The following PCDH11X variants were observed in gnomAD, a reference collection of about 807,000 sequenced individuals.
PCDH11X encodes protocadherin-11 X-linked.
In PCDH11X, 18 loss-of-function variants were observed where a neutral mutation model predicts 53.3. The ratio of observed to expected loss-of-function variants is 0.34; its 90% CI spans 0.23 to 0.50. The LOEUF is 0.50. Among genes scored for constraint, PCDH11X ranks in the 20% least tolerant of loss-of-function variants. PCDH11X has a pLI of 0.98. For missense variants in PCDH11X, 570 were observed against 1,032.4 expected (o/e 0.55, Z 6.14); for synonymous variants, 279 against 393.3 (o/e 0.71, Z 3.44).
chrX:91,921,173 G>A (rs1941725261), intron 6 of PCDH11X, among the ~76,000 whole-genome samples: 1 of 110,592 alleles, frequency 9.0e-6, no homozygotes, highest in African/African-American at 3.3e-5. Context: ...TTTTACAGAA[G>A]TTTTAGGTTC....
chrX:92,069,004 T>C (rs954309322), intron 6 of PCDH11X, among the ~76,000 whole-genome samples: 1 of 110,746 alleles, frequency 9.0e-6, no homozygotes, highest in African/African-American at 3.3e-5. Context: ...TGTTCTACTA[T>C]GCAGATTAAA....
chrX:92,340,235 A>G (rs1424203763), intron 8 of PCDH11X, among the ~76,000 whole-genome samples: 4 of 110,766 alleles, frequency 3.6e-5, no homozygotes, highest in Admixed American at 9.6e-5. Context: ...TTTGGCCCCA[A>G]CAGTTGGTCT....
chrX:92,243,866 A>G (rs1363229565), intron 7 of PCDH11X, among the ~76,000 whole-genome samples: 1 of 111,940 alleles, frequency 8.9e-6, no homozygotes, highest in Non-Finnish European at 1.9e-5. Flanking sequence ...TGCAATAATT[A>G]CTTCCTGTGG....
intron 6 of PCDH11X, among the ~76,000 whole-genome samples, chrX:91,915,326 A>C (rs941976982): frequency 9.4e-6 from 1 of 106,176 alleles, no homozygotes. Context: ...TGAGTAAAAC[A>C]ATACCTCACA....
chrX:92,437,631 C>T (rs2072414776), intron 9 of PCDH11X, among the ~76,000 whole-genome samples: 1 of 109,334 alleles, frequency 9.1e-6, no homozygotes, highest in South Asian at 3.9e-4. Flanking sequence ...GCTTTTGAGT[C>T]TTAAGTAAGC....
chrX:92,481,999 A>AT (rs2073518732), intron 10 of PCDH11X, among the ~76,000 whole-genome samples: 1 of 99,224 alleles, frequency 1.0e-5, no homozygotes, highest in Non-Finnish European at 2.0e-5. Context: ...TCTTCAGCCC[A>AT]TTTTTGTCTT....
chrX:92,560,795 A>C (rs1602334091), intron 10 of PCDH11X, among the ~76,000 whole-genome samples: 1 of 104,375 alleles, frequency 9.6e-6, no homozygotes. Context: ...AAACTGGTGA[A>C]ACTTTTGATG....
chrX:92,264,095 C>G (rs1417441661), intron 8 of PCDH11X, among the ~76,000 whole-genome samples: 1 of 111,907 alleles, frequency 8.9e-6, no homozygotes, highest in East Asian at 2.8e-4. Flanking sequence ...GCTTAAGAAA[C>G]CACACTTTAC....
intron 8 of PCDH11X, among the ~76,000 whole-genome samples, chrX:92,331,334 C>CTTCTTCTTCTTCTTCTTCTT: frequency 3.4e-5 from 1 of 29,657 alleles, no homozygotes; most frequent in South Asian, 2.7e-3. Context: ...CTTCTTCTTC[C>CTTCTTCTTCTTCTTCTTCTT]TTCCTTCCTT....
intron 6 of PCDH11X, among the ~76,000 whole-genome samples, chrX:91,901,007 A>G (rs1940931451): frequency 9.0e-6 from 1 of 111,298 alleles, no homozygotes; most frequent in Admixed American, 9.6e-5. Flanking sequence ...CCGGGGCCTC[A>G]GGAAGTGAAT....
intron 6 of PCDH11X, among the ~76,000 whole-genome samples, chrX:92,189,757 G>T (rs1419193880): frequency 9.0e-6 from 1 of 111,522 alleles, no homozygotes; most frequent in East Asian, 2.8e-4. Flanking sequence ...AATCACCATT[G>T]TAACTGGCGT....
At chrX:92,084,697 A>G (rs1231738403) in intron 6 of PCDH11X, among the ~76,000 whole-genome samples, 1 of 111,702 alleles carries the variant, frequency 9.0e-6, no homozygotes, top group African/African-American at 3.3e-5. Context: ...GCTCCTCTAG[A>G]GGATCACAAG....
At chrX:92,103,338 A>C (rs2064303778) in intron 6 of PCDH11X, among the ~76,000 whole-genome samples, 1 of 111,099 alleles carries the variant, frequency 9.0e-6, no homozygotes, top group Admixed American at 9.6e-5. Context: ...CAATACCCAC[A>C]ACAGTTATGG....
At position 92,558,904 on chromosome X, in the gene PCDH11X, G is replaced by A. The variant is rs186600923; in HGVS notation, c.3368-59360G>A. Among the ~76,000 whole-genome samples the A allele has an allele frequency of 1.0e-4, 11 of 109,555 alleles. No individual in the cohort carries two copies. In the East Asian group the frequency reaches 3.2e-3, roughly 32 times the overall value. ...CAGTCAAACATAATTATCTTTGCTA[G>A]GTTTTAAAATTTGTTTCTAGCATTT... On this transcript the variant is annotated intron_variant, in intron 10 of 10. Coordinates refer to ENST00000682573, the MANE Select transcript of PCDH11X (RefSeq NM_032968.5).
intron 10 of PCDH11X, among the ~76,000 whole-genome samples, chrX:92,603,509 G>A (rs749635638): frequency 7.5e-5 from 8 of 107,382 alleles, no homozygotes; most frequent in African/African-American, 2.4e-4. Context: ...AGATCCACAC[G>A]GACACATTTC....
At chrX:92,129,245 G>C (rs990056180) in intron 6 of PCDH11X, among the ~76,000 whole-genome samples, 1 of 110,077 alleles carries the variant, frequency 9.1e-6, no homozygotes, top group African/African-American at 3.3e-5. Flanking sequence ...TACAAAATTA[G>C]CCAGGCATGG....
chrX:92,589,848 T>C lies in PCDH11X; in HGVS notation c.3368-28416T>C, dbSNP rs1486059057. Among the ~76,000 whole-genome samples, 7 of 110,947 alleles carry C rather than the reference T, an allele frequency of 6.3e-5. No individual in the cohort carries two copies. In the Admixed American group the frequency reaches 6.7e-4, roughly 11 times the overall value. On this transcript the variant is annotated intron_variant, in intron 10 of 10. Transcript: ENST00000682573. ...CTTACCCAAAACTCAACGAGGCTTTTGTAAAGCTAATGGGAGGCCATCAGT... is the reference window on the plus strand; with the variant it reads ...CTTACCCAAAACTCAACGAGGCTTTCGTAAAGCTAATGGGAGGCCATCAGT...
chrX:91,924,701 A>T, intron 6 of PCDH11X, among the ~76,000 whole-genome samples: 1 of 110,840 alleles, frequency 9.0e-6, no homozygotes, highest in East Asian at 2.9e-4. Flanking sequence ...TTTTTGTGGG[A>T]CTTTACTTGG....
chrX:91,821,993 T>C (rs1187365628), intron 4 of PCDH11X, among the ~76,000 whole-genome samples: 1 of 104,239 alleles, frequency 9.6e-6, no homozygotes, highest in African/African-American at 4.0e-5. Flanking sequence ...TTTGAGTATA[T>C]TGAACCAGCC....
Sources: allele counts gnomAD v4.1 joint callset (sites outside exome capture counted in the v4.1 genomes callset), GRCh38; gene constraint gnomAD v4.1.1; transcripts MANE v1.5; gene names NCBI Gene and HGNC (gene_info 2026-07-23, HGNC 2026-07-21).